UBQLN4: variants seen among roughly 807,000 people sequenced by gnomAD.
UBQLN4 encodes ubiquilin 4, also known as ubiquilin-4.
A neutral mutation model predicts 60.4 loss-of-function variants in UBQLN4; 11 were observed. The ratio of observed to expected loss-of-function variants is 0.18; its 90% confidence interval spans 0.11 to 0.30. The LOEUF (loss-of-function observed/expected upper bound fraction) is 0.30, where lower values mean the gene tolerates loss of function less well. Among genes scored for constraint, UBQLN4 ranks in the 10% least tolerant of loss-of-function variants. UBQLN4 has a pLI of 1.00. For synonymous variants in UBQLN4, 258 were observed against 313.1 expected, an observed-to-expected ratio of 0.82 and a Z score of 1.86; for missense variants, 417 against 795.5, an observed-to-expected ratio of 0.52 and a Z score of 5.72.
rs952232420 is a variant in UBQLN4 at position 156,041,993 on chromosome 1, G to A, written c.1351-6C>T. On this transcript the variant is annotated splice_polypyrimidine_tract_variant and splice_region_variant and intron_variant, in intron 8 of 10. Transcript: ENST00000368309. ...AGTGACTCTGGGTTCTGCATCTGGTGGGAAATAAGCAGAGAAAGGCATCAA... is the reference window on the plus strand; with the variant it reads ...AGTGACTCTGGGTTCTGCATCTGGTAGGAAATAAGCAGAGAAAGGCATCAA... 1.9e-6 allele frequency: 3 copies of A among 1,613,998 alleles called. No individual in the cohort carries two copies. Among genetic ancestry groups the A allele is most frequent in the Non-Finnish European group, 1.7e-6 (2 of 1,179,938 alleles).
chr1:156,052,756 G>A (rs530525626), intron 1 of UBQLN4, among the ~76,000 whole-genome samples: 37 of 152,272 alleles, frequency 2.4e-4, no homozygotes, highest in African/African-American at 8.4e-4. Flanking sequence ...AATGAGAGCC[G>A]TTTTCAAATT....
downstream of UBQLN4, among the ~76,000 whole-genome samples, chr1:156,031,662 T>C (rs1328747477): frequency 1.4e-5 from 2 of 146,798 alleles, no homozygotes; most frequent in African/African-American, 2.5e-5. Context: ...CACTGCAACC[T>C]CCGCCTCCCG....
At chr1:156,033,119 C>A (rs147563100), downstream of UBQLN4, 58 of 789,478 alleles carry the variant, frequency 7.3e-5, no homozygotes, top group East Asian at 6.8e-3. Flanking sequence ...CATGTTTTTG[C>A]CAATACTTAT....
Position 156,048,457 on chromosome 1 carries a change from C to T in UBQLN4, c.900+44G>A, listed in dbSNP as rs373861634. 34 of 1,566,658 alleles carry T rather than the reference C, an allele frequency of 2.2e-5. No individual in the cohort carries two copies. Among genetic ancestry groups the T allele is most frequent in the Non-Finnish European group, 2.8e-5 (32 of 1,147,806 alleles). ...TGCCTGGGGTGGGGGTAGGGAATCTCGAGCCCAGACAGCCCAACCCACTAC... is the reference window on the plus strand; with the variant it reads ...TGCCTGGGGTGGGGGTAGGGAATCTTGAGCCCAGACAGCCCAACCCACTAC... On this transcript the variant is annotated intron_variant, in intron 5 of 10. Transcript: ENST00000368309. This position sits in a 1 kb window ranked among gnomAD's most constrained non-coding sequence, Gnocchi z 4.9.
Position 156,053,738 on chromosome 1 carries a change from G to A in UBQLN4, c.-37C>T, listed in dbSNP as rs975460958. On this transcript the variant is annotated 5_prime_UTR_variant, in exon 1 of 11. Transcript: ENST00000368309. ...CACCCGGCCGCCCGCCAGCCCGCCC[G>A]GCTCCTCCTCCTCCCCGCCCGCCCG... 2.5e-6 allele frequency: 3 copies of A among 1,210,418 alleles called. No individual in the cohort carries two copies. The highest frequency in any genetic ancestry group is 2.1e-6 in the Non-Finnish European group (2 of 957,080). The allele number at this position is 1,210,418 out of a possible 1,614,324, so 75.0% of individuals were successfully genotyped here.
At chr1:156,037,825 G>A (rs934611099) in intron 10 of UBQLN4, among the ~76,000 whole-genome samples, 1 of 152,158 alleles carries the variant, frequency 6.6e-6, no homozygotes, top group African/African-American at 2.4e-5. Flanking sequence ...GTCATCACAC[G>A]TACAGCCATA....
At chr1:156,043,896 CCT>C in intron 6 of UBQLN4, 100 bp downstream of exon 6, 15 of 1,299,772 alleles carry the variant, frequency 1.2e-5, no homozygotes, top group Admixed American at 2.1e-5. Context: ...GATAGTCTCA[CCT>C]CTGTCTTCAA....
intron 10 of UBQLN4, 46 bp downstream of exon 10, chr1:156,041,439 G>A: frequency 6.8e-7 from 1 of 1,474,582 alleles, no homozygotes; most frequent in Non-Finnish European, 9.0e-7. Context: ...AAACCTCCCA[G>A]GATCAAAGTG....
At chr1:156,039,062 G>A (rs1019761220) in intron 10 of UBQLN4, among the ~76,000 whole-genome samples, 2 of 152,028 alleles carry the variant, frequency 1.3e-5, no homozygotes, top group South Asian at 2.1e-4. Context: ...AAAATGTTGG[G>A]ATTACAGGCA....
intron 10 of UBQLN4, 53 bp downstream of exon 10, chr1:156,041,432 C>T (rs1683559614): frequency 1.4e-6 from 2 of 1,467,490 alleles, no homozygotes; most frequent in African/African-American, 1.4e-5. Flanking sequence ...TCCCTTGAAA[C>T]CTCCCAGGAT....
Position 156,048,770 on chromosome 1 carries a change from A to T in UBQLN4, c.742-111T>A, listed in dbSNP as rs1180725706. 3 of 1,219,946 alleles carry T rather than the reference A, an allele frequency of 2.5e-6. No individual in the cohort carries two copies. In the Admixed American group the frequency reaches 7.3e-5, roughly 30 times the overall value. 75.6% of individuals were successfully genotyped at this position (1,219,946 alleles called of 1,614,324 possible). A position where few individuals can be genotyped will look rare whatever the true frequency, so the allele number is the denominator to read the frequency against. On this transcript the variant is annotated intron_variant, in intron 4 of 10. Coordinates refer to ENST00000368309, the MANE Select transcript of UBQLN4 (RefSeq NM_020131.5). The surrounding 1 kb of genome is among the most constrained non-coding windows in gnomAD (Gnocchi z 4.9). Reference sequence around the variant, plus strand: ...TGTATCAGGATCAGGACCAGGGCCCAGGAACTGCCCCACAGTGACAGGGAG... The same window carrying T: ...TGTATCAGGATCAGGACCAGGGCCCTGGAACTGCCCCACAGTGACAGGGAG...
intron 6 of UBQLN4, among the ~76,000 whole-genome samples, chr1:156,043,122 C>T (rs1463701852): frequency 5.3e-5 from 8 of 152,194 alleles, no homozygotes; most frequent in Admixed American, 4.6e-4. Flanking sequence ...GCCCCTTTTC[C>T]ATTTACTTGA....
intron 10 of UBQLN4, among the ~76,000 whole-genome samples, chr1:156,038,981 G>A (rs1321999917): frequency 1.3e-5 from 2 of 152,012 alleles, no homozygotes; most frequent in East Asian, 1.9e-4. Flanking sequence ...TAGTAGAGAC[G>A]TGGTTTCACC....
rs1683772962 is a variant in UBQLN4 at position 156,048,443 on chromosome 1, G to C, written c.900+58C>G. The C allele has an allele frequency of 6.4e-7, 1 of 1,550,512 alleles. No homozygotes were observed. The highest frequency in any genetic ancestry group is 1.2e-5 in the South Asian group (1 of 85,430). ...AGCAGGCCCAGGTTTGCCTGGGGTG[G>C]GGGTAGGGAATCTCGAGCCCAGACA... On this transcript the variant is annotated intron_variant, in intron 5 of 10. Transcript: ENST00000368309. This position sits in a 1 kb window ranked among gnomAD's most constrained non-coding sequence, Gnocchi z 4.9.
chr1:156,037,323 C>T (rs1014829982), intron 10 of UBQLN4, among the ~76,000 whole-genome samples, 193 bp from the exon 11 acceptor site: 2 of 152,170 alleles, frequency 1.3e-5, no homozygotes, highest in African/African-American at 4.8e-5. Context: ...TGGCCGGGTA[C>T]GGTGGCTCAC....
downstream of UBQLN4, among the ~76,000 whole-genome samples, chr1:156,034,685 C>T (rs2102735090): frequency 6.6e-6 from 1 of 151,076 alleles, no homozygotes; most frequent in East Asian, 1.9e-4. Context: ...TCAGTTTCCT[C>T]TACCACACCT....
chr1:156,038,219 C>CA (rs1426314000), intron 10 of UBQLN4, among the ~76,000 whole-genome samples: 3 of 149,672 alleles, frequency 2.0e-5, no homozygotes, highest in Admixed American at 6.7e-5. Flanking sequence ...CTACTAAAAA[C>CA]ACAAAAAATT....
At chr1:156,045,734 G>A (rs1460371604) in intron 5 of UBQLN4, among the ~76,000 whole-genome samples, 1 of 152,176 alleles carries the variant, frequency 6.6e-6, no homozygotes, top group African/African-American at 2.4e-5. Flanking sequence ...TAGTAAGCTA[G>A]ACATCAAAGA....
At chr1:156,053,529 G>A in intron 1 of UBQLN4, 65 bp downstream of exon 1, 3 of 1,135,130 alleles carry the variant, frequency 2.6e-6, no homozygotes, top group East Asian at 3.7e-5. Flanking sequence ...GACCGTCAGA[G>A]AGGCCCCCCA....
Sources: gnomAD v4.1 joint callset for allele counts (sites outside exome capture counted in the v4.1 genomes callset) on GRCh38, gnomAD v4.1.1 for gene constraint, Gnocchi (gnomAD v3.1) non-coding constraint, MANE v1.5 for transcripts, NCBI Gene and HGNC (gene_info 2026-07-23, HGNC 2026-07-21) for gene names.